NCOR2: variants seen among roughly 807,000 people sequenced by gnomAD.
NCOR2 encodes nuclear receptor corepressor 2, also known as CTG repeat protein 26.
Under a neutral mutation model 262.9 loss-of-function variants are expected in NCOR2, and 81 were observed. The observed-to-expected ratio is 0.31, with a 90% CI of 0.26 to 0.37. The LOEUF (loss-of-function observed/expected upper bound fraction) is 0.37. Ranked by LOEUF, NCOR2 falls within the 10% of genes least tolerant of loss-of-function variation. The pLI is 1.00. For missense variants in NCOR2, 3,385 were observed against 3,621.4 expected (o/e 0.93, Z 1.68); for synonymous variants, 1,659 against 1,559.3 (o/e 1.06, Z -1.51).
At chr12:124,538,376 G>A, upstream of NCOR2, 1 of 152,718 alleles carries the variant, frequency 6.5e-6, no homozygotes, top group South Asian at 2.1e-4. Context: ...ACACTGGCCA[G>A]AATCCAGGGA....
intron 1 of NCOR2, among the ~76,000 whole-genome samples, chr12:124,522,791 A>G (rs1037778047): frequency 6.6e-6 from 1 of 152,244 alleles, no homozygotes; most frequent in African/African-American, 2.4e-5. Flanking sequence ...GGAGAGCTCC[A>G]GGGATCTCCG....
rs1043922731 is a variant in NCOR2, at chr12:124,504,244, A to T, written c.-117-8876T>A. Among the ~76,000 whole-genome samples the T allele has an allele frequency of 2.0e-5, 3 of 152,230 alleles. No homozygotes were observed. The highest frequency in any genetic ancestry group is 2.0e-4 in the Admixed American group (3 of 15,286). Reference sequence around the variant, plus strand: ...GGTAGAGATACGTGGGCCAGGTTAAAGCCAGAAAGCTGGGGTGCCCGGAGC... The same window carrying T: ...GGTAGAGATACGTGGGCCAGGTTAATGCCAGAAAGCTGGGGTGCCCGGAGC... On this transcript the variant is annotated intron_variant, in intron 1 of 46. Coordinates refer to the NCOR2 transcript ENST00000404621. This position sits in a 1 kb window ranked among gnomAD's most constrained non-coding sequence, Gnocchi z 4.5.
intron 41 of NCOR2, among the ~76,000 whole-genome samples, chr12:124,333,873 TGTGCGGGTGTGCATGTGTGTGTGC>T (rs1160549025): frequency 2.6e-5 from 3 of 113,464 alleles, no homozygotes; most frequent in Admixed American, 9.1e-5. Context: ...TGTGCGCATG[TGTGCGGGTGTGCATGTGTGTGTGC>T]GCGCGCATGT....
exon 24 of NCOR2, chr12:124,355,441 G>A (rs1239683461): frequency 2.5e-6 from 4 of 1,613,516 alleles, no homozygotes. Flanking sequence ...CTTGGGAGAT[G>A]GCACCTATTT....
chr12:124,449,678 C>T (rs1000572434), intron 7 of NCOR2, 137 bp downstream of exon 9: 21 of 1,048,700 alleles, frequency 2.0e-5, no homozygotes, highest in African/African-American at 4.7e-5. Flanking sequence ...CTCCTGTCCC[C>T]TCCGGGAGCA....
intron 34 of NCOR2, 77 bp downstream of exon 36, chr12:124,341,746 G>A (rs542265596): frequency 1.4e-5 from 21 of 1,532,786 alleles, no homozygotes; most frequent in East Asian, 2.3e-5. Context: ...AGCTGCCTCC[G>A]CGAGGCCACA....
intron 20 of NCOR2, among the ~76,000 whole-genome samples, chr12:124,368,267 C>T (rs890300147): frequency 2.0e-5 from 3 of 152,112 alleles, no homozygotes; most frequent in Non-Finnish European, 4.4e-5. Context: ...TCATGAAGGC[C>T]GGTTGGGGGG....
chr12:124,374,663 G>A (rs2039849336), intron 18 of NCOR2, among the ~76,000 whole-genome samples, 200 bp from the exon 21 acceptor site: 2 of 152,236 alleles, frequency 1.3e-5, no homozygotes, highest in South Asian at 4.1e-4. Flanking sequence ...GCGGCCACAG[G>A]TGACCTGCAA....
intron 1 of NCOR2, among the ~76,000 whole-genome samples, chr12:124,534,233 G>A (rs780887321): frequency 1.3e-5 from 2 of 152,166 alleles, no homozygotes; most frequent in Non-Finnish European, 2.9e-5. Context: ...GAGGCAGGAG[G>A]ATCACTTGAG....
At chr12:124,480,178 C>T (rs1450923628) in intron 3 of NCOR2, among the ~76,000 whole-genome samples, 1 of 152,220 alleles carries the variant, frequency 6.6e-6, no homozygotes, top group Non-Finnish European at 1.5e-5. Context: ...CTCCCCGGGG[C>T]TGTCTCCCAG....
intron 6 of NCOR2, among the ~76,000 whole-genome samples, chr12:124,450,910 G>A (rs1227610195): frequency 6.6e-6 from 1 of 152,192 alleles, no homozygotes; most frequent in Non-Finnish European, 1.5e-5. Context: ...AAGATCAAAC[G>A]AGACAGTGCA....
intron 1 of NCOR2, among the ~76,000 whole-genome samples, chr12:124,490,087 C>T (rs1229729084): frequency 1.3e-5 from 2 of 152,218 alleles, no homozygotes; most frequent in Admixed American, 6.5e-5. Flanking sequence ...CGGCTACAGT[C>T]AAGAGAGCTC....
At chr12:124,342,035 G>C (rs2036496828) in exon 34 of NCOR2, 1 of 1,612,350 alleles carries the variant, frequency 6.2e-7, no homozygotes, top group Non-Finnish European at 8.5e-7. Flanking sequence ...CGGGTAGGTG[G>C]GGTTGGGGGC....
At chr12:124,424,672 C>A (rs2043430434) in intron 11 of NCOR2, among the ~76,000 whole-genome samples, 1 of 152,226 alleles carries the variant, frequency 6.6e-6, no homozygotes, top group South Asian at 2.1e-4. Flanking sequence ...GACCCAGAGT[C>A]ACCCCATCCC....
intron 1 of NCOR2, among the ~76,000 whole-genome samples, chr12:124,492,678 G>T (rs778573253): frequency 4.6e-5 from 7 of 152,134 alleles, no homozygotes; most frequent in Non-Finnish European, 4.4e-5. Context: ...TCAGGAAGGG[G>T]GTAGTATCTT....
At position 124,346,869 on chromosome 12, in the gene NCOR2, T is replaced by A; in HGVS notation, c.4073-19A>T. 6.5e-7 allele frequency: 1 copy of A among 1,534,310 alleles called. No homozygotes were observed. The highest frequency in any genetic ancestry group is 8.8e-7 in the Non-Finnish European group (1 of 1,142,840). The stretch of plus-strand genomic sequence containing the variant: ...GGGATCCCTGCCGGGCCGACAGCAC[T>A]GACCCTCACGCCCCGCCCCACCCAG... On this transcript the variant is annotated intron_variant, in intron 30 of 46. Transcript: ENST00000405201.
intron 31 of NCOR2, 47 bp downstream of exon 33, chr12:124,346,517 G>C: frequency 7.0e-7 from 1 of 1,424,946 alleles, no homozygotes. Context: ...CACAGCCACC[G>C]CCACCCCTCC....
At chr12:124,436,460 T>A (rs1310958080) in intron 8 of NCOR2, among the ~76,000 whole-genome samples, 1 of 152,152 alleles carries the variant, frequency 6.6e-6, no homozygotes, top group African/African-American at 2.4e-5. Flanking sequence ...AAGGCAGCAG[T>A]CCCCATCCAG....
At chr12:124,446,879 A>G (rs564023239) in intron 7 of NCOR2, among the ~76,000 whole-genome samples, 1 of 152,328 alleles carries the variant, frequency 6.6e-6, no homozygotes, top group Admixed American at 6.5e-5. Context: ...AGTGTAGGAA[A>G]TCTTAATTAT....
Sources: allele counts gnomAD v4.1 joint callset (sites outside exome capture counted in the v4.1 genomes callset), GRCh38; gene constraint gnomAD v4.1.1; non-coding constraint Gnocchi (gnomAD v3.1); transcripts MANE v1.5; gene names NCBI Gene and HGNC (gene_info 2026-07-23, HGNC 2026-07-21).